Variants in GPR22 observed in about 807,000 individuals in gnomAD.
GPR22 encodes the protein G protein-coupled receptor 22.
A neutral mutation model predicts 31.0 loss-of-function variants in GPR22; 13 were observed. The ratio of observed to expected loss-of-function variants is 0.42; its 90% CI spans 0.27 to 0.67. The LOEUF is 0.67. GPR22 is among the 30% of genes least tolerant of loss of function. The pLI is 0.25. For synonymous variants in GPR22, 191 were observed against 173.4 expected, an observed-to-expected ratio of 1.10 and a Z score of -0.80; for missense variants, 368 against 509.6, an observed-to-expected ratio of 0.72 and a Z score of 2.67.
chr7:107,476,759 T>C (rs1047634866), downstream of GPR22, among the ~76,000 whole-genome samples: 5 of 151,716 alleles, frequency 3.3e-5, no homozygotes, highest in African/African-American at 4.8e-5. Flanking sequence ...TTTCTGAAAC[T>C]GTATCCACTA....
rs1214507037 is a variant in GPR22, at chr7:107,474,755, C to A, written c.695C>A (p.Thr232Asn). The A allele has an allele frequency of 6.2e-7, 1 of 1,610,230 alleles. No homozygotes were observed. The highest frequency in any genetic ancestry group is 1.3e-5 in the African/African-American group (1 of 74,718). Reference protein sequence around the residue: ...FTVVVMLITYTKILQALNIRI... With the variant: ...FTVVVMLITYNKILQALNIRI... The stretch of plus-strand genomic sequence containing the variant: ...GTTGTAGTAATGTTAATCACATACA[C>A]CAAAATACTTCAGGCTCTTAATATT... Residue 232 changes from threonine (T) to asparagine (N), a missense_variant, in exon 3 of 3, where the codon ACC (threonine) becomes AAC (asparagine). Coordinates refer to ENST00000304402, the MANE Select transcript of GPR22 (RefSeq NM_005295.3). This position sits in a 1 kb window ranked among gnomAD's most constrained non-coding sequence, Gnocchi z 5.7.
chr7:107,476,457 A>C (rs1448113034), downstream of GPR22, among the ~76,000 whole-genome samples: 1 of 151,564 alleles, frequency 6.6e-6, no homozygotes, highest in African/African-American at 2.4e-5. Flanking sequence ...TCCACACTGA[A>C]ATCACTAAGG....
At chr7:107,472,824 T>C (rs974671628) in intron 2 of GPR22, 13 of 151,958 alleles carry the variant, frequency 8.6e-5, no homozygotes, top group Non-Finnish European at 1.8e-4. Context: ...TTATAATTTA[T>C]GTTGAATATG....
Position 107,474,637 on chromosome 7 carries a change from A to C in GPR22, c.577A>C (p.Lys193Gln). 6.2e-7 allele frequency: 1 copy of C among 1,610,256 alleles called. No individual in the cohort carries two copies. The highest frequency in any genetic ancestry group is 8.5e-7 in the Non-Finnish European group (1 of 1,177,100). The change falls in exon 3 of 3, where the codon AAG becomes CAG. Residue 193 changes from lysine to glutamine, a missense_variant. Transcript: ENST00000304402. The surrounding 1 kb of genome is among the most constrained non-coding windows in gnomAD (Gnocchi z 5.7). Reference sequence around the variant, plus strand: ...TCAAAGTGGAAATACCTGGGAAAACAAGACACTTTTATGTGTCAGTACAAA... The same window carrying C: ...TCAAAGTGGAAATACCTGGGAAAACCAGACACTTTTATGTGTCAGTACAAA... ...SLQSGNTWEN[K>Q]TLLCVSTNEY...
Position 107,475,364 on chromosome 7 carries a change from G to C in GPR22, c.*2G>C. On this transcript the variant is annotated 3_prime_UTR_variant, in exon 3 of 3. Coordinates refer to ENST00000304402, the MANE Select transcript of GPR22 (RefSeq NM_005295.3). ...GTGCCTCAGGTTGTCACAGACTAGAGAAAAGTCTCAGTTTCACCAAATCCA... is the reference window on the plus strand; with the variant it reads ...GTGCCTCAGGTTGTCACAGACTAGACAAAAGTCTCAGTTTCACCAAATCCA... 1.4e-6 allele frequency: 2 copies of C among 1,382,306 alleles called. No homozygotes were observed. The highest frequency in any genetic ancestry group is 9.8e-7 in the Non-Finnish European group (1 of 1,020,106). The allele number at this position is 1,382,306 out of a possible 1,614,324, so 85.6% of individuals were successfully genotyped here.
Position 107,475,577 on chromosome 7 carries a change from G to A in GPR22, c.*215G>A, listed in dbSNP as rs1220761616. 2 of 403,272 alleles carry A rather than the reference G, an allele frequency of 5.0e-6. No individual in the cohort carries two copies. Among genetic ancestry groups the A allele is most frequent in the Non-Finnish European group, 9.2e-6 (2 of 218,506 alleles). The allele number at this position is 403,272 out of a possible 1,614,324, so 25.0% of individuals were successfully genotyped here. ...GCAGTTTGTTAAAGTACTATCATGTGTATATTTTGTCAATATTATGTCCAA... is the reference window on the plus strand; with the variant it reads ...GCAGTTTGTTAAAGTACTATCATGTATATATTTTGTCAATATTATGTCCAA... On this transcript the variant is annotated 3_prime_UTR_variant, in exon 3 of 3. Coordinates refer to ENST00000304402, the MANE Select transcript of GPR22 (RefSeq NM_005295.3).
At chr7:107,476,674 G>A (rs1407199316), downstream of GPR22, among the ~76,000 whole-genome samples, 2 of 151,636 alleles carry the variant, frequency 1.3e-5, no homozygotes, top group African/African-American at 2.4e-5. Context: ...ATCACTATCA[G>A]AAATTTAGCA....
chr7:107,474,696 C>G lies in GPR22; in HGVS notation c.636C>G (p.His212Gln), dbSNP rs1472936202. 1 of 1,610,122 alleles carries G rather than the reference C, an allele frequency of 6.2e-7. No homozygotes were observed. The highest frequency in any genetic ancestry group is 8.5e-7 in the Non-Finnish European group (1 of 1,177,148). ...EYYTELGMYYHLLVQIPIFFF... is the reference protein window; with the variant it reads ...EYYTELGMYYQLLVQIPIFFF... ...ACACTGAACTGGGAATGTATTATCA[C>G]CTGTTAGTACAGATCCCAATATTCT... Residue 212 changes from histidine (H) to glutamine (Q), a missense_variant, in exon 3 of 3, where the codon CAC (histidine) becomes CAG (glutamine). Transcript: ENST00000304402. The surrounding 1 kb of genome is among the most constrained non-coding windows in gnomAD (Gnocchi z 5.7).
chr7:107,476,355 T>C (rs1461431299), downstream of GPR22, among the ~76,000 whole-genome samples: 1 of 151,194 alleles, frequency 6.6e-6, no homozygotes, highest in Non-Finnish European at 1.5e-5. Flanking sequence ...AAGCCTCTAA[T>C]ATTAGATACA....
intron 2 of GPR22, chr7:107,472,833 T>C (rs1400845404): frequency 1.3e-5 from 2 of 151,954 alleles, no homozygotes; most frequent in Non-Finnish European, 2.9e-5. Flanking sequence ...ATGTTGAATA[T>C]GATTTTGCAG....
rs1440778944 is a variant in GPR22 at position 107,475,002 on chromosome 7, G to A, written c.942G>A (p.Met314Ile). The change falls in exon 3 of 3, where the codon ATG becomes ATA. Residue 314 changes from methionine (M) to isoleucine (I), a missense_variant. By Grantham distance (10) the Met-to-Ile change is conservative. Transcript: ENST00000304402. The part of the protein sequence containing the change: ...RRERQKRVFR[M>I]SLLIISTFLL... Reference sequence around the variant, plus strand: ...AAAGACAAAAGAGAGTCTTCAGGATGTCTTTATTGATTATTTCTACATTTC... The same window carrying A: ...AAAGACAAAAGAGAGTCTTCAGGATATCTTTATTGATTATTTCTACATTTC... The A allele has an allele frequency of 6.2e-7, 1 of 1,612,554 alleles. No individual in the cohort carries two copies. The highest frequency in any genetic ancestry group is 8.5e-7 in the Non-Finnish European group (1 of 1,179,132).
At position 107,474,109 on chromosome 7, in the gene GPR22, A is replaced by G; in HGVS notation, c.49A>G (p.Ile17Val). The G allele has an allele frequency of 2.5e-6, 4 of 1,606,166 alleles. No homozygotes were observed. The highest frequency in any genetic ancestry group is 3.4e-6 in the Non-Finnish European group (4 of 1,175,238). ...AATCAACATGCAGTCTGAATCTAAC[A>G]TTACAGTGCGAGATGACATTGATGA... ...LEINMQSESN[I>V]TVRDDIDDIN... The change falls in exon 3 of 3, where the codon ATT (isoleucine) becomes GTT (valine). Residue 17 changes from isoleucine to valine, a missense_variant. Physicochemically the swap from Ile to Val is conservative, Grantham distance 29 (BLOSUM62 3). Coordinates refer to ENST00000304402, the MANE Select transcript of GPR22 (RefSeq NM_005295.3). This position sits in a 1 kb window ranked among gnomAD's most constrained non-coding sequence, Gnocchi z 5.7.
chr7:107,473,118 C>A (rs1296926390), intron 2 of GPR22: 1 of 151,768 alleles, frequency 6.6e-6, no homozygotes, highest in Admixed American at 6.6e-5. Flanking sequence ...AAAAAACGGG[C>A]TTCACATACT....
chr7:107,470,697 T>C (rs952572280), intron 1 of GPR22, among the ~76,000 whole-genome samples: 1 of 152,154 alleles, frequency 6.6e-6, no homozygotes, highest in East Asian at 1.9e-4. Context: ...TCAGATATAC[T>C]AAATATTCTT....
downstream of GPR22, among the ~76,000 whole-genome samples, chr7:107,476,063 A>ATACTAT (rs1796959412): frequency 6.6e-6 from 1 of 151,178 alleles, no homozygotes; most frequent in Non-Finnish European, 1.5e-5. Flanking sequence ...GTATGCCTAT[A>ATACTAT]ATATACAAAT....
chr7:107,474,837 A>C lies in GPR22; in HGVS notation c.777A>C (p.Thr259=), dbSNP rs756310303. The C allele has an allele frequency of 2.0e-5, 32 of 1,613,100 alleles. 1 individual carries two copies. In the Middle Eastern group the frequency reaches 6.6e-4, roughly 33 times the overall value. ...GQKKKARKKK[T]ISLTTQHEAT... ...AGAAGAAAGCAAGAAAGAAAAAGAC[A>C]ATTTCTCTAACCACACAACATGAGG... The change falls in exon 3 of 3, where the codon ACA becomes ACC. Residue 259 remains threonine, a synonymous_variant. Transcript: ENST00000304402. The surrounding 1 kb of genome is among the most constrained non-coding windows in gnomAD (Gnocchi z 5.7).
At position 107,472,223 on chromosome 7, in the gene GPR22, A is replaced by C. The variant is rs1299573266; in HGVS notation, c.-106A>C. On this transcript the variant is annotated 5_prime_UTR_variant, in exon 2 of 3. It removes an upstream start codon present in the reference 5' UTR. Transcript: ENST00000304402. ...ATCAGCCAACTAAATCTCATAATGC[A>C]TGCAGTTGAAGTATTGGAGAGAAAA... The C allele has an allele frequency of 6.6e-6, 1 of 152,032 alleles. No individual in the cohort carries two copies. Among genetic ancestry groups the C allele is most frequent in the Non-Finnish European group, 1.5e-5 (1 of 67,930 alleles). The allele number at this position is 152,032 out of a possible 1,614,324, so 9.4% of individuals were successfully genotyped here.
Position 107,475,217 on chromosome 7 carries a change from T to C in GPR22, c.1157T>C (p.Val386Ala), listed in dbSNP as rs761169191. The change falls in exon 3 of 3, where the codon GTT (valine) becomes GCT (alanine). Residue 386 changes from valine (V) to alanine (A), a missense_variant. Coordinates refer to ENST00000304402, the MANE Select transcript of GPR22 (RefSeq NM_005295.3). Reference protein sequence around the residue: ...KVLKSKMKKRVVSIVEADPLP... With the variant: ...KVLKSKMKKRAVSIVEADPLP... ...TTGAAAAGTAAAATGAAAAAGCGAGTTGTTTCTATAGTAGAAGCTGATCCC... is the reference window on the plus strand; with the variant it reads ...TTGAAAAGTAAAATGAAAAAGCGAGCTGTTTCTATAGTAGAAGCTGATCCC... 47 of 1,611,250 alleles carry C rather than the reference T, an allele frequency of 2.9e-5. No homozygotes were observed. In the South Asian group the frequency reaches 3.8e-4, roughly 13 times the overall value.
intron 2 of GPR22, chr7:107,473,088 G>GT (rs1235784452): frequency 4.6e-5 from 7 of 151,656 alleles, no homozygotes; most frequent in African/African-American, 1.7e-4. Flanking sequence ...CAGGTAATGT[G>GT]TAACTTTAAA....
Sources: gnomAD v4.1 joint callset for allele counts (sites outside exome capture counted in the v4.1 genomes callset) on GRCh38, gnomAD v4.1.1 for gene constraint, Gnocchi (gnomAD v3.1) non-coding constraint, MANE v1.5 for transcripts, NCBI Gene and HGNC (gene_info 2026-07-23, HGNC 2026-07-21) for gene names.